ZNF121: variants seen among roughly 807,000 people sequenced by gnomAD.
ZNF121 encodes zinc finger protein 121 (clone ZHC32).
In ZNF121, 1 loss-of-function variant was observed where a neutral mutation model predicts 2.4. That is an observed-to-expected ratio of 0.41 (90% CI 0.15 to 1.94). The LOEUF (loss-of-function observed/expected upper bound fraction) is 1.94. Among genes scored for constraint, ZNF121 ranks in the 30% most tolerant of loss-of-function variants. ZNF121 has a pLI of 0.30. For missense variants in ZNF121, 369 were observed against 466.3 expected, an observed-to-expected ratio of 0.79 and a Z score of 1.92; for synonymous variants, 173 against 158.6, an observed-to-expected ratio of 1.09 and a Z score of -0.68.
In ZNF121 at chr19:9,562,812, G is replaced by A. The variant is rs1429697936; in HGVS notation, c.*3128C>T. On this transcript the variant is annotated 3_prime_UTR_variant, in exon 4 of 4. Coordinates refer to ENST00000320451, the MANE Select transcript of ZNF121 (RefSeq NM_001008727.5). ...CACACCTGTAATCCCAGAGTGTTGG[G>A]AGGCAGATAGGGGAGCATCACTTGA... is the stretch of plus-strand genomic sequence containing the variant. The A allele has an allele frequency of 6.6e-6, 1 of 150,832 alleles. No homozygotes were observed. Among genetic ancestry groups the A allele is most frequent in the Non-Finnish European group, 1.5e-5 (1 of 67,872 alleles). 9.3% of individuals were successfully genotyped at this position (150,832 alleles called of 1,614,324 possible). A position where few individuals can be genotyped will look rare whatever the true frequency, so the allele number is the denominator to read the frequency against.
intron 1 of ZNF121, among the ~76,000 whole-genome samples, chr19:9,580,072 CACG>C (rs1390458115): frequency 1.3e-5 from 2 of 151,996 alleles, no homozygotes; most frequent in African/African-American, 4.8e-5. Context: ...ACGGGCGGAT[CACG>C]ACGTCAGGAG....
chr19:9,584,078 A>G (rs533489270), intron 1 of ZNF121: 1 of 152,384 alleles, frequency 6.6e-6, no homozygotes, highest in Non-Finnish European at 1.5e-5. Flanking sequence ...GGTGTTCACC[A>G]GGAACATGCC....
rs1285045349 is a variant in ZNF121 at position 9,564,807 on chromosome 19, G to T, written c.*1133C>A. Reference sequence around the variant, plus strand: ...ATCAAACAGCGTCGAATGCTAAAGAGAAGTTTTTCATGTAATGAAGAGTCA... The same window carrying T: ...ATCAAACAGCGTCGAATGCTAAAGATAAGTTTTTCATGTAATGAAGAGTCA... On this transcript the variant is annotated 3_prime_UTR_variant, in exon 4 of 4. Transcript: ENST00000320451. 6.6e-6 allele frequency: 1 copy of T among 152,266 alleles called. No individual in the cohort carries two copies. Among genetic ancestry groups the T allele is most frequent in the Non-Finnish European group, 1.5e-5 (1 of 68,038 alleles). 9.4% of individuals were successfully genotyped at this position (152,266 alleles called of 1,614,324 possible). A position where few individuals can be genotyped will look rare whatever the true frequency, so the allele number is the denominator to read the frequency against.
chr19:9,571,132 G>T (rs1049396373), intron 1 of ZNF121, among the ~76,000 whole-genome samples: 12 of 152,186 alleles, frequency 7.9e-5, no homozygotes, highest in Non-Finnish European at 1.6e-4. Context: ...TAGGCATTAT[G>T]GGCCACATGG....
intron 3 of ZNF121, 72 bp downstream of exon 3, chr19:9,568,023 A>AT (rs2074146009): frequency 6.8e-7 from 1 of 1,468,428 alleles, no homozygotes; most frequent in Non-Finnish European, 9.2e-7. Context: ...AATATCTCTC[A>AT]TTTTTGCTGA....
chr19:9,566,142 G>C lies in ZNF121; in HGVS notation c.971C>G (p.Ser324Cys). Residue 324 changes from serine to cysteine, a missense_variant, in exon 4 of 4, where the codon TCT becomes TGT. By Grantham distance (112) the Ser-to-Cys change is moderately radical (BLOSUM62 -1). This residue lies in a region of ZNF121 where 127 missense variants were observed against 169.9 expected (regional missense o/e 0.75). Transcript: ENST00000320451. The part of the protein sequence containing the change: ...CKDCGKAFAT[S>C]SQLIEHIRTH... ...TCTTATATGTTCAATGAGTTGTGAA[G>C]ATGTAGCAAAGGCTTTCCCACAGTC... The C allele has an allele frequency of 6.2e-7, 1 of 1,614,038 alleles. No homozygotes were observed. Among genetic ancestry groups the C allele is most frequent in the Non-Finnish European group, 8.5e-7 (1 of 1,179,980 alleles).
At position 9,572,276 on chromosome 19, in the gene ZNF121, A is replaced by G. The variant is rs10418449; in HGVS notation, c.-159-3194T>C. 5.8e-3 allele frequency among the ~76,000 whole-genome samples: 886 copies of G among 152,340 alleles called. 9 individuals are homozygous for G. The highest frequency in any genetic ancestry group is 0.021 in the African/African-American group (856 of 41,564). Reference sequence around the variant, plus strand: ...TGAAAAAACTCCAAGGGAGACGTTAAGAGAATCAAGTTTCCAAGAATGTGG... The same window carrying G: ...TGAAAAAACTCCAAGGGAGACGTTAGGAGAATCAAGTTTCCAAGAATGTGG... On this transcript the variant is annotated intron_variant, in intron 1 of 3. Coordinates refer to ENST00000320451, the MANE Select transcript of ZNF121 (RefSeq NM_001008727.5).
In ZNF121 at chr19:9,578,136, G is replaced by C. The variant is rs138916292; in HGVS notation, c.-160+6325C>G. The stretch of plus-strand genomic sequence containing the variant: ...ACTCAGAAGGCTGAGGCAGGAGAAT[G>C]GTGTGAACCCAAGAGGTGGAACTTG... On this transcript the variant is annotated intron_variant, in intron 1 of 3. Coordinates refer to ENST00000320451, the MANE Select transcript of ZNF121 (RefSeq NM_001008727.5). Among the ~76,000 whole-genome samples the C allele has an allele frequency of 1.1e-4, 17 of 151,940 alleles. No homozygotes were observed. The East Asian group carries it at 2.1e-3, about 19-fold the overall frequency.
In ZNF121 at chr19:9,583,516, G is replaced by A. The variant is rs901212304; in HGVS notation, c.-160+945C>T. Among the ~76,000 whole-genome samples the A allele has an allele frequency of 1.7e-4, 10 of 58,184 alleles. No individual in the cohort carries two copies. The East Asian group carries it at 2.5e-3, about 14-fold the overall frequency. The allele number at this position is 58,184 out of a possible 152,430, so 38.2% of individuals were successfully genotyped here. On this transcript the variant is annotated intron_variant, in intron 1 of 3. Coordinates refer to ENST00000320451, the MANE Select transcript of ZNF121 (RefSeq NM_001008727.5). ...TTTTTTTTTTTTTTTTTTTTTTTGT[G>A]TGTGTGAGACGGAGTCTCCCTCTTT...
chr19:9,579,077 G>C (rs1484443809), intron 1 of ZNF121, among the ~76,000 whole-genome samples: 1 of 151,004 alleles, frequency 6.6e-6, no homozygotes, highest in Non-Finnish European at 1.5e-5. Flanking sequence ...CAGGTATACG[G>C]AAAAAATGCT....
chr19:9,578,734 A>G (rs920146880), intron 1 of ZNF121, among the ~76,000 whole-genome samples: 2 of 152,228 alleles, frequency 1.3e-5, no homozygotes, highest in Non-Finnish European at 2.9e-5. Flanking sequence ...TAAAGCTACT[A>G]GAGGAAGAAA....
chr19:9,573,699 C>A (rs572759655), intron 1 of ZNF121, among the ~76,000 whole-genome samples: 2 of 152,270 alleles, frequency 1.3e-5, no homozygotes, highest in South Asian at 4.1e-4. Context: ...ACAAAGCATA[C>A]AATCTTCAGA....
rs1369448667 is a variant in ZNF121, at chr19:9,566,092, T to C, written c.1021A>G (p.Ile341Val). The change falls in exon 4 of 4, where the codon ATA becomes GTA. Residue 341 changes from isoleucine (I) to valine (V), a missense_variant. Around this residue, in one of 4 missense-constraint regions of ZNF121, gnomAD observed 127 missense variants for 169.9 expected, o/e 0.75. Transcript: ENST00000320451. ...IRTHTGEKPY[I>V]CKECGKTFRA... is the part of the protein sequence containing the mutation. The stretch of plus-strand genomic sequence containing the variant: ...AAGGTTTTCCCACATTCCTTACATA[T>C]ATACGGTTTCTCTCCAGTGTGAGTT... 2 of 1,614,046 alleles carry C rather than the reference T, an allele frequency of 1.2e-6. No individual in the cohort carries two copies. Among genetic ancestry groups the C allele is most frequent in the Non-Finnish European group, 8.5e-7 (1 of 1,179,990 alleles).
chr19:9,573,527 A>T (rs1224341872), intron 1 of ZNF121, among the ~76,000 whole-genome samples: 2 of 152,200 alleles, frequency 1.3e-5, no homozygotes, highest in Admixed American at 1.3e-4. Context: ...GACCAAACCT[A>T]GGAATCACTG....
At chr19:9,568,640 C>A (rs143142558) in intron 2 of ZNF121, among the ~76,000 whole-genome samples, 1 of 152,098 alleles carries the variant, frequency 6.6e-6, no homozygotes, top group Admixed American at 6.6e-5. Context: ...TCCCAAAGTG[C>A]TGGGATTACA....
intron 1 of ZNF121, among the ~76,000 whole-genome samples, chr19:9,582,963 C>G (rs1202608540): frequency 1.1e-5 from 1 of 94,304 alleles, no homozygotes; most frequent in Non-Finnish European, 2.0e-5. Context: ...CGCCTGTAAT[C>G]CCAGCTCTTT....
At position 9,560,730 on chromosome 19, in the gene ZNF121, T is replaced by C. The variant is rs933117424; in HGVS notation, c.*5210A>G. ...TTACCAATTCATCTGTCAATGGACA[T>C]TTACTTTGCTTCCACCTCTTGGCTC... On this transcript the variant is annotated 3_prime_UTR_variant, in exon 4 of 4. Coordinates refer to ENST00000320451, the MANE Select transcript of ZNF121 (RefSeq NM_001008727.5). 6.6e-6 allele frequency: 1 copy of C among 152,266 alleles called. No homozygotes were observed. The highest frequency in any genetic ancestry group is 1.5e-5 in the Non-Finnish European group (1 of 68,046). 9.4% of individuals were successfully genotyped at this position (152,266 alleles called of 1,614,324 possible).
chr19:9,579,346 G>A (rs1442586742), intron 1 of ZNF121, among the ~76,000 whole-genome samples: 2 of 152,000 alleles, frequency 1.3e-5, no homozygotes, highest in African/African-American at 2.4e-5. Flanking sequence ...CCAGAAGTTC[G>A]AGCCAGCCTG....
At chr19:9,575,247 C>T (rs2074202292) in intron 1 of ZNF121, among the ~76,000 whole-genome samples, 1 of 151,926 alleles carries the variant, frequency 6.6e-6, no homozygotes, top group African/African-American at 2.4e-5. Flanking sequence ...TGGTGAAACC[C>T]AGTCTCTACT....
Sources: allele counts gnomAD v4.1 joint callset (sites outside exome capture counted in the v4.1 genomes callset), GRCh38; gene constraint gnomAD v4.1.1; regional missense constraint gnomAD v4.1.1; transcripts MANE v1.5; gene names NCBI Gene and HGNC (gene_info 2026-07-23, HGNC 2026-07-21).